The following PIR variants were observed in gnomAD, a reference collection of about 807,000 sequenced individuals.
The protein encoded by PIR is pirin (iron-binding nuclear protein).
In PIR, 22 loss-of-function variants were observed where a neutral mutation model predicts 24.2. The observed-to-expected ratio is 0.91, with a 90% CI of 0.65 to 1.30. The LOEUF is 1.30. Ranked by LOEUF, PIR falls within the 50% of genes most tolerant of loss-of-function variation. The pLI is 0.00. For synonymous variants in PIR, 80 were observed against 79.6 expected (o/e 1.00, Z -0.03); for missense variants, 220 against 220.3 (o/e 1.00, Z 0.01).
intron 7 of PIR, among the ~76,000 whole-genome samples, chrX:15,398,740 G>A (rs1379817044): frequency 1.6e-4 from 13 of 83,076 alleles, no homozygotes; most frequent in Non-Finnish European, 3.0e-4. Context: ...TTGGAGAAAT[G>A]ACTATGATGG....
intron 3 of PIR, among the ~76,000 whole-genome samples, chrX:15,475,365 CCTAA>C (rs1405728343): frequency 2.7e-5 from 3 of 111,403 alleles, no homozygotes; most frequent in Non-Finnish European, 5.7e-5. Flanking sequence ...CACTTCTCAG[CCTAA>C]CTGAGAACAC....
At chrX:15,447,690 T>C (rs113877352) in intron 5 of PIR, among the ~76,000 whole-genome samples, 2,288 of 112,025 alleles carry the variant, frequency 0.02, 65 homozygotes, top group African/African-American at 0.068. Context: ...TAATGCAACA[T>C]GCAAGAGTCT....
chrX:15,477,911 C>A (rs1922284220), intron 3 of PIR, among the ~76,000 whole-genome samples: 1 of 110,831 alleles, frequency 9.0e-6, no homozygotes, highest in Non-Finnish European at 1.9e-5. Context: ...ATTACAGTTA[C>A]AGTTTTAAAG....
intron 3 of PIR, among the ~76,000 whole-genome samples, chrX:15,478,911 T>G (rs1445632442): frequency 8.9e-6 from 1 of 112,047 alleles, no homozygotes; most frequent in Non-Finnish European, 1.9e-5. Flanking sequence ...ATAAACACAC[T>G]GAGCCTTTAA....
intron 3 of PIR, among the ~76,000 whole-genome samples, chrX:15,466,006 G>GTTTTTTTTTTTTTTTTTTTTTTT (rs200803758): frequency 1.6e-5 from 1 of 63,126 alleles, no homozygotes; most frequent in Non-Finnish European, 2.7e-5. Context: ...AATGGTGGCT[G>GTTTTTTTTTTTTTTTTTTTTTTT]TTTTTTTTTT....
intron 6 of PIR, among the ~76,000 whole-genome samples, chrX:15,415,385 G>A (rs988917780): frequency 1.8e-5 from 2 of 111,681 alleles, no homozygotes; most frequent in African/African-American, 3.3e-5. Flanking sequence ...TCAGTGAACT[G>A]TGAACCCCTT....
intron 5 of PIR, among the ~76,000 whole-genome samples, chrX:15,452,924 C>A (rs1269414052): frequency 1.8e-5 from 2 of 112,311 alleles, no homozygotes; most frequent in Non-Finnish European, 3.8e-5. Flanking sequence ...GTTGTTGACT[C>A]TGTATTGGTT....
chrX:15,461,035 C>T lies in PIR; in HGVS notation c.190-1295G>A, dbSNP rs1293755114. ...CTTTGACAGAATCTCACCTAGGTGC[C>T]CCTTCCTCCTAGCAGATGCATCCCT... On this transcript the variant is annotated intron_variant, in intron 3 of 9. Transcript: ENST00000380420. Among the ~76,000 whole-genome samples the T allele has an allele frequency of 2.7e-5, 3 of 111,732 alleles. 1 individual carries two copies. The highest frequency in any genetic ancestry group is 5.6e-5 in the Non-Finnish European group (3 of 53,131).
intron 9 of PIR, among the ~76,000 whole-genome samples, chrX:15,385,468 C>T (rs1602236133): frequency 1.8e-5 from 2 of 111,869 alleles, no homozygotes; most frequent in South Asian, 7.4e-4. Flanking sequence ...TAGCTGATGT[C>T]AAGAATTGAA....
rs896188741 is a variant in PIR, at chrX:15,485,593, G to T, written c.96+5569C>A. On this transcript the variant is annotated intron_variant, in intron 2 of 9. Coordinates refer to ENST00000380420, the MANE Select transcript of PIR (RefSeq NM_001018109.3). ...AAATATGAACACACATAGGAAGAAA[G>T]CCAGCACAAGAAAGAGACTGAAGAA... Among the ~76,000 whole-genome samples, 13 of 112,177 alleles carry T rather than the reference G, an allele frequency of 1.2e-4. No individual in the cohort carries two copies. The South Asian group carries it at 4.1e-3, about 35-fold the overall frequency.
intron 4 of PIR, among the ~76,000 whole-genome samples, chrX:15,456,449 G>C (rs1348833984): frequency 8.9e-6 from 1 of 112,623 alleles, no homozygotes; most frequent in Non-Finnish European, 1.9e-5. Flanking sequence ...CAGCAATGCA[G>C]TTACTACAGA....
intron 8 of PIR, among the ~76,000 whole-genome samples, chrX:15,396,109 T>C (rs1924125624): frequency 8.9e-6 from 1 of 112,442 alleles, no homozygotes; most frequent in Non-Finnish European, 1.9e-5. Flanking sequence ...ATTCTGATAT[T>C]AGTAGGTTCT....
chrX:15,409,808 A>G (rs930198267), intron 6 of PIR, among the ~76,000 whole-genome samples: 6 of 112,265 alleles, frequency 5.3e-5, no homozygotes, highest in South Asian at 3.7e-4. Context: ...ATTTAAAAAT[A>G]TTTTAAGAAT....
intron 7 of PIR, among the ~76,000 whole-genome samples, chrX:15,404,583 C>T (rs1470259347): frequency 8.9e-6 from 1 of 112,223 alleles, no homozygotes; most frequent in African/African-American, 3.2e-5. Flanking sequence ...ATCTGTGGTT[C>T]GTTGGTGCCA....
intron 1 of PIR, 25 bp downstream of exon 1, chrX:15,493,165 C>T (rs1923249043): frequency 8.8e-6 from 1 of 113,052 alleles, no homozygotes; most frequent in African/African-American, 3.2e-5. Flanking sequence ...CCTAGTGGAC[C>T]CCTGCAGGAG....
intron 2 of PIR, among the ~76,000 whole-genome samples, chrX:15,485,472 A>G (rs1161222086): frequency 8.9e-6 from 1 of 111,808 alleles, no homozygotes; most frequent in Non-Finnish European, 1.9e-5. Context: ...GTTTCATGAT[A>G]GGAATTAGGA....
chrX:15,430,298 G>A lies in PIR; in HGVS notation c.481-4308C>T, dbSNP rs138571555. Among the ~76,000 whole-genome samples the A allele has an allele frequency of 8.7e-3, 954 of 110,139 alleles. 17 individuals are homozygous for A. The highest frequency in any genetic ancestry group is 0.029 in the African/African-American group (885 of 30,203). ...TAAAATCCAAAGCTCTTCCCCTTTC[G>A]TCTTTCTTTCCATTTCACAATCCTG... On this transcript the variant is annotated intron_variant, in intron 5 of 9. Coordinates refer to ENST00000380420, the MANE Select transcript of PIR (RefSeq NM_001018109.3).
intron 5 of PIR, among the ~76,000 whole-genome samples, chrX:15,447,407 C>T (rs745722803): frequency 2.9e-4 from 32 of 110,993 alleles, no homozygotes; most frequent in Middle Eastern, 9.3e-3. Flanking sequence ...CTCCGCCTCG[C>T]GGGTTCACAC....
intron 8 of PIR, among the ~76,000 whole-genome samples, chrX:15,391,594 AT>A (rs1237741394): frequency 9.2e-4 from 103 of 112,009 alleles, no homozygotes; most frequent in African/African-American, 3.2e-3. Context: ...TGGGTGTTTG[AT>A]TTGAAATTAA....
Sources: gnomAD v4.1 joint callset for allele counts (sites outside exome capture counted in the v4.1 genomes callset) on GRCh38, gnomAD v4.1.1 for gene constraint, MANE v1.5 for transcripts, NCBI Gene and HGNC (gene_info 2026-07-23, HGNC 2026-07-21) for gene names.